KCNT1: variants seen among roughly 807,000 people sequenced by gnomAD.
KCNT1 encodes the protein potassium channel subfamily T member 1.
Under a neutral mutation model 147.8 loss-of-function variants are expected in KCNT1, and 78 were observed. The ratio of observed to expected loss-of-function variants is 0.53; its 90% CI spans 0.44 to 0.64. The LOEUF is 0.64. Ranked by LOEUF, KCNT1 falls within the 30% of genes least tolerant of loss-of-function variation. KCNT1 has a pLI of 0.00. For missense variants in KCNT1, 1,419 were observed against 1,750.3 expected (o/e 0.81, Z 3.38); for synonymous variants, 867 against 748.8 (o/e 1.16, Z -2.58).
At chr9:135,770,724 T>C in intron 17 of KCNT1, 133 bp from the exon 18 acceptor site, 1 of 944,492 alleles carries the variant, frequency 1.1e-6, no homozygotes, top group Non-Finnish European at 1.6e-6. Context: ...CCAAGGTCCC[T>C]GACCCCAAAT....
intron 2 of KCNT1, among the ~76,000 whole-genome samples, chr9:135,722,788 C>G (rs184837737): frequency 6.6e-6 from 1 of 152,170 alleles, no homozygotes; most frequent in African/African-American, 2.4e-5. Context: ...GCTCCCATCC[C>G]GAGGCCCCAC....
chr9:135,758,506 G>T lies in KCNT1; in HGVS notation c.852G>T (p.Thr284=). ...GCACCCTGCTGTGCCTCGTTTTCAC[G>T]GGGTGAGTGCCGGCCGTCAGTGTGA... is the stretch of plus-strand genomic sequence containing the variant. ...LFCTLLCLVF[T]GTCGIQHLER... The change falls in exon 10 of 31, where the codon ACG becomes ACT. Residue 284 remains threonine (T), a splice_region_variant and synonymous_variant. Transcript: ENST00000371757. 8.1e-6 allele frequency: 13 copies of T among 1,612,956 alleles called. No homozygotes were observed. Among genetic ancestry groups the T allele is most frequent in the East Asian group, 2.2e-5 (1 of 44,884 alleles).
At chr9:135,788,071 GTCTGTGCCTCTT>G in intron 29 of KCNT1, 1 of 1,543,554 alleles carries the variant, frequency 6.5e-7, no homozygotes, top group South Asian at 1.1e-5. Flanking sequence ...CTCTCTTTCT[GTCTGTGCCTCTT>G]TCTGTGTGTT....
intron 29 of KCNT1, chr9:135,788,276 C>G: frequency 1.1e-6 from 1 of 895,092 alleles, no homozygotes; most frequent in Non-Finnish European, 1.8e-6. Context: ...GCTGTGAGAG[C>G]ACGTCCCAGG....
chr9:135,775,161 G>A (rs1296604786), intron 19 of KCNT1, 149 bp from the exon 20 acceptor site: 8 of 554,244 alleles, frequency 1.4e-5, no homozygotes, highest in East Asian at 3.2e-5. Flanking sequence ...AGGGAAGAAC[G>A]GGCCACCTTG....
intron 1 of KCNT1, among the ~76,000 whole-genome samples, chr9:135,703,684 C>T (rs1835126999): frequency 6.6e-6 from 1 of 152,220 alleles, no homozygotes; most frequent in Non-Finnish European, 1.5e-5. Context: ...CCGGCCCCTA[C>T]CATCTCCCTC....
intron 13 of KCNT1, among the ~76,000 whole-genome samples, chr9:135,766,480 A>G (rs1050183737): frequency 5.0e-5 from 7 of 141,266 alleles, no homozygotes; most frequent in Admixed American, 1.4e-4. Context: ...CGTCTGGGGT[A>G]TACCCTCTGG....
At chr9:135,751,123 C>A in intron 4 of KCNT1, 82 bp downstream of exon 4, 2 of 1,308,286 alleles carry the variant, frequency 1.5e-6, no homozygotes, top group South Asian at 1.2e-5. Context: ...AAGCTGATGG[C>A]GTCCCTGGGG....
rs1452105000 is a variant in KCNT1, at chr9:135,714,093, G to A, written c.111-484G>A. On this transcript the variant is annotated intron_variant, in intron 1 of 30. Transcript: ENST00000371757. The surrounding 1 kb of genome is among the most constrained non-coding windows in gnomAD (Gnocchi z 6.2). ...CCTCAACAGCCTGAGGGTCTGAGAC[G>A]GGGGTCTCTGGGGCTGGACCCTGAA... is the stretch of plus-strand genomic sequence containing the variant. Among the ~76,000 whole-genome samples the A allele has an allele frequency of 9.9e-5, 15 of 152,170 alleles. No homozygotes were observed. Among genetic ancestry groups the A allele is most frequent in the African/African-American group, 3.6e-4 (15 of 41,536 alleles).
rs1367244033 is a variant in KCNT1 at position 135,786,374 on chromosome 9, A to G, written c.3355A>G (p.Lys1119Glu). 2 of 1,577,672 alleles carry G rather than the reference A, an allele frequency of 1.3e-6. No homozygotes were observed. The highest frequency in any genetic ancestry group is 1.7e-6 in the Non-Finnish European group (2 of 1,162,900). ...SLQWARRLSR[K>E]APKQAGRAAA... ...GCAGTGGGCCCGGAGGCTGAGCCGC[A>G]AGGCGCCCAAGCAGGCAGGCCGGGC... Residue 1119 changes from lysine (K) to glutamate (E), a missense_variant, in exon 29 of 31, where the codon AAG becomes GAG. Transcript: ENST00000371757.
In KCNT1 at chr9:135,778,306, C is replaced by T. The variant is rs138411867; in HGVS notation, c.2523-118C>T. On this transcript the variant is annotated intron_variant, in intron 21 of 30. Coordinates refer to ENST00000371757, the MANE Select transcript of KCNT1 (RefSeq NM_020822.3). Reference sequence around the variant, plus strand: ...AGTACTCCCCAGGTCCCATACGCTGCGGTTCTGGGGAACCCCTGCCTGGCC... The same window carrying T: ...AGTACTCCCCAGGTCCCATACGCTGTGGTTCTGGGGAACCCCTGCCTGGCC... 6.1e-4 allele frequency: 510 copies of T among 834,734 alleles called. 1 individual carries two copies. In the African/African-American group the frequency reaches 8.2e-3, roughly 13 times the overall value. The allele number at this position is 834,734 out of a possible 1,614,324, so 51.7% of individuals were successfully genotyped here. A position where few individuals can be genotyped will look rare whatever the true frequency, so the allele number is the denominator to read the frequency against.
At chr9:135,786,026 G>T (rs1160901288) in intron 28 of KCNT1, 171 bp from the exon 29 acceptor site, 7 of 612,052 alleles carry the variant, frequency 1.1e-5, no homozygotes, top group Non-Finnish European at 1.4e-5. Context: ...AGAGGAGGAA[G>T]GCACATGCAC....
intron 20 of KCNT1, among the ~76,000 whole-genome samples, chr9:135,775,806 C>T (rs529837096): frequency 2.4e-4 from 37 of 152,360 alleles, no homozygotes; most frequent in Non-Finnish European, 4.4e-4. Flanking sequence ...AGTCCAAGTT[C>T]AGATTGGGCC....
chr9:135,721,020 A>T (rs890111752), intron 2 of KCNT1, among the ~76,000 whole-genome samples: 1 of 152,156 alleles, frequency 6.6e-6, no homozygotes, highest in Non-Finnish European at 1.5e-5. Flanking sequence ...CCCAAGGGGC[A>T]GTGGTGGTTT....
At chr9:135,779,515 A>G in intron 24 of KCNT1, 45 bp downstream of exon 24, 8 of 1,389,808 alleles carry the variant, frequency 5.8e-6, no homozygotes, top group Non-Finnish European at 8.2e-6. Flanking sequence ...AGAATCCCAG[A>G]AAGAGTGGGA....
Position 135,765,684 on chromosome 9 carries a change from C to A in KCNT1, c.1261C>A (p.Gln421Lys). ...EMDVQVRRVL[Q>K]IPLWSQRVIY... is the part of the protein sequence containing the mutation. ...GGATGTCCAGGTGCGCAGAGTCCTG[C>A]AGATCCCTCTGTGGTCCCAGCGGGT... Residue 421 changes from glutamine to lysine, a missense_variant, in exon 13 of 31, where the codon CAG becomes AAG. By Grantham distance (53) the Gln-to-Lys change is moderately conservative. Transcript: ENST00000371757. The A allele has an allele frequency of 6.2e-7, 1 of 1,610,960 alleles. No homozygotes were observed. Among genetic ancestry groups the A allele is most frequent in the Non-Finnish European group, 8.5e-7 (1 of 1,179,032 alleles).
Position 135,729,399 on chromosome 9 carries a change from G to A in KCNT1, c.254+14679G>A, listed in dbSNP as rs570641913. Among the ~76,000 whole-genome samples the A allele has an allele frequency of 3.9e-5, 6 of 152,378 alleles. No individual in the cohort carries two copies. In the East Asian group the frequency reaches 1.2e-3, roughly 29 times the overall value. On this transcript the variant is annotated intron_variant, in intron 2 of 30. Coordinates refer to ENST00000371757, the MANE Select transcript of KCNT1 (RefSeq NM_020822.3). Reference sequence around the variant, plus strand: ...GTCCTCTGTCCCACTGTGCAGGAGGGGATTCCGCAGATGGCGGGAATGAGC... The same window carrying A: ...GTCCTCTGTCCCACTGTGCAGGAGGAGATTCCGCAGATGGCGGGAATGAGC...
At chr9:135,746,550 G>T (rs1026880594) in intron 2 of KCNT1, among the ~76,000 whole-genome samples, 3 of 152,256 alleles carry the variant, frequency 2.0e-5, no homozygotes, top group African/African-American at 7.2e-5. Context: ...CTGTTTCCTG[G>T]CTGTGGAGGC....
At chr9:135,753,674 A>C (rs1588315056) in intron 4 of KCNT1, 1 of 564,398 alleles carries the variant, frequency 1.8e-6, no homozygotes, top group South Asian at 2.2e-5. Context: ...TGTGGGATGT[A>C]CCCTCGCTGT....
Sources: allele counts gnomAD v4.1 joint callset (sites outside exome capture counted in the v4.1 genomes callset), GRCh38; gene constraint gnomAD v4.1.1; non-coding constraint Gnocchi (gnomAD v3.1); transcripts MANE v1.5; gene names NCBI Gene and HGNC (gene_info 2026-07-23, HGNC 2026-07-21).